Variants in SLC4A5 observed in about 807,000 individuals in gnomAD.
SLC4A5 encodes solute carrier family 4 member 5.
SLC4A5 carries 96 observed loss-of-function variants against 120.4 expected under a neutral mutation model. The observed-to-expected ratio is 0.80, with a 90% CI of 0.68 to 0.94. SLC4A5 has a LOEUF of 0.94. Among genes scored for constraint, SLC4A5 ranks in the 40% least tolerant of loss-of-function variants. SLC4A5 has a pLI of 0.00. For synonymous variants in SLC4A5, 550 were observed against 571.1 expected, an observed-to-expected ratio of 0.96 and a Z score of 0.53; for missense variants, 1,259 against 1,459.5, an observed-to-expected ratio of 0.86 and a Z score of 2.24.
chr2:74,244,404 C>A (rs766927164), intron 19 of SLC4A5, among the ~76,000 whole-genome samples: 1 of 148,822 alleles, frequency 6.7e-6, no homozygotes, highest in African/African-American at 2.5e-5. Flanking sequence ...ACTCCCTCCC[C>A]CCTTCCTTCC....
chr2:74,307,490 G>T, intron 6 of SLC4A5: 1 of 620,814 alleles, frequency 1.6e-6, no homozygotes, highest in Non-Finnish European at 3.0e-6. Context: ...CTACAGACTA[G>T]CGCATGGCCA....
chr2:74,262,327 G>T, intron 10 of SLC4A5, 95 bp from the exon 11 acceptor site: 6 of 808,682 alleles, frequency 7.4e-6, no homozygotes, highest in East Asian at 2.7e-5. Flanking sequence ...AAAACTGGGT[G>T]GCAAGACATG....
chr2:74,224,969 C>G (rs1262842310), exon 28 of SLC4A5: 4 of 1,613,980 alleles, frequency 2.5e-6, no homozygotes, highest in South Asian at 1.1e-5. Flanking sequence ...AATCCAGAAG[C>G]CTTCGAACGA....
chr2:74,288,817 AGCT>A (rs1672068477), intron 7 of SLC4A5, among the ~76,000 whole-genome samples: 1 of 152,164 alleles, frequency 6.6e-6, no homozygotes, highest in South Asian at 2.1e-4. Flanking sequence ...TATTCAAAAC[AGCT>A]CTGCATCCCT....
intron 5 of SLC4A5, among the ~76,000 whole-genome samples, chr2:74,321,161 T>C (rs1171457937): frequency 2.0e-5 from 3 of 151,972 alleles, no homozygotes; most frequent in African/African-American, 7.3e-5. Context: ...ATTTGGGGAG[T>C]ATAAAACACC....
At chr2:74,296,616 CAAA>C (rs1160532512) in intron 7 of SLC4A5, among the ~76,000 whole-genome samples, 2 of 47,484 alleles carry the variant, frequency 4.2e-5, no homozygotes, top group African/African-American at 7.5e-5. Flanking sequence ...ACTAAAAATA[CAAA>C]AAAAAAAAAA....
intron 7 of SLC4A5, among the ~76,000 whole-genome samples, chr2:74,286,894 G>A (rs946275322): frequency 2.0e-5 from 3 of 152,140 alleles, no homozygotes; most frequent in Admixed American, 6.5e-5. Context: ...GGTTCAGCAC[G>A]TGAGCAAGGG....
chr2:74,311,495 AATTTTC>A (rs1420422864), intron 6 of SLC4A5, among the ~76,000 whole-genome samples: 1 of 152,148 alleles, frequency 6.6e-6, no homozygotes, highest in Non-Finnish European at 1.5e-5. Flanking sequence ...TGATAAGTTG[AATTTTC>A]ATTTTCATTT....
chr2:74,231,374 GC>G, intron 24 of SLC4A5, 66 bp from the exon 25 acceptor site: 1 of 1,454,018 alleles, frequency 6.9e-7, no homozygotes, highest in Non-Finnish European at 9.4e-7. Context: ...TGGCCCTCCT[GC>G]CCCTCTGTGG....
chr2:74,250,629 T>C, intron 16 of SLC4A5, 112 bp from the exon 17 acceptor site: 1 of 1,273,020 alleles, frequency 7.9e-7, no homozygotes, highest in Non-Finnish European at 1.1e-6. Context: ...TTGACCAGGG[T>C]GGATGGGGCA....
chr2:74,284,372 G>A (rs1470246936), intron 8 of SLC4A5, among the ~76,000 whole-genome samples: 1 of 83,272 alleles, frequency 1.2e-5, no homozygotes, highest in African/African-American at 1.2e-4. Context: ...AGTAGAGACG[G>A]GGTTTCACCT....
intron 8 of SLC4A5, among the ~76,000 whole-genome samples, chr2:74,268,937 C>T (rs143200961): frequency 1.3e-5 from 2 of 152,298 alleles, no homozygotes; most frequent in East Asian, 1.9e-4. Context: ...GACAAGTTAA[C>T]CAGGCACCTG....
At chr2:74,260,509 A>G (rs1671101759) in intron 11 of SLC4A5, among the ~76,000 whole-genome samples, 1 of 152,066 alleles carries the variant, frequency 6.6e-6, no homozygotes, top group South Asian at 2.1e-4. Flanking sequence ...GACTCCTTGG[A>G]GCAGTCCCCT....
intron 8 of SLC4A5, among the ~76,000 whole-genome samples, chr2:74,265,660 C>G (rs866579539): frequency 6.6e-6 from 1 of 152,114 alleles, no homozygotes; most frequent in South Asian, 2.1e-4. Context: ...CAACTGGAAC[C>G]TGATTATCTC....
At chr2:74,256,069 G>A in intron 12 of SLC4A5, 137 bp from the exon 13 acceptor site, 3 of 919,768 alleles carry the variant, frequency 3.3e-6, no homozygotes, top group Non-Finnish European at 3.2e-6. Context: ...GAATAAATAA[G>A]TACTCCTCCG....
chr2:74,259,675 G>A (rs774678786), intron 11 of SLC4A5, 32 bp from the exon 12 acceptor site: 8 of 1,612,264 alleles, frequency 5.0e-6, no homozygotes, highest in South Asian at 1.1e-5. Flanking sequence ...ATCCATCAGG[G>A]GAAGCCAGGC....
At chr2:74,221,905 G>A (rs529856177) in intron 29 of SLC4A5, among the ~76,000 whole-genome samples, 6 of 152,206 alleles carry the variant, frequency 3.9e-5, no homozygotes, top group Non-Finnish European at 5.9e-5. Flanking sequence ...AGAAGACCTC[G>A]GGACAGGCTA....
rs72903251 is a variant in SLC4A5, at chr2:74,304,954, G to T, written c.80-274C>A. Among the ~76,000 whole-genome samples the T allele has an allele frequency of 6.7e-3, 1,015 of 152,330 alleles. 12 individuals are homozygous for T. The highest frequency in any genetic ancestry group is 0.023 in the African/African-American group (947 of 41,572). On this transcript the variant is annotated intron_variant, in intron 6 of 30. Coordinates refer to ENST00000394019, the Ensembl canonical transcript of SLC4A5. Reference sequence around the variant, plus strand: ...CCCCCGTTCTTGCTTGTCCGGAACAGTGATTACTGGATATGGCTTATGACA... The same window carrying T: ...CCCCCGTTCTTGCTTGTCCGGAACATTGATTACTGGATATGGCTTATGACA...
At chr2:74,226,298 T>C (rs565925314) in intron 27 of SLC4A5, among the ~76,000 whole-genome samples, 2 of 152,292 alleles carry the variant, frequency 1.3e-5, no homozygotes, top group Non-Finnish European at 2.9e-5. Context: ...AGGCATTTGC[T>C]GACACACTCC....
Sources: allele counts gnomAD v4.1 joint callset (sites outside exome capture counted in the v4.1 genomes callset), GRCh38; gene constraint gnomAD v4.1.1; transcripts MANE v1.5; gene names NCBI Gene and HGNC (gene_info 2026-07-23, HGNC 2026-07-21).